Variants in SOCS1 observed in about 807,000 individuals in gnomAD.
The protein encoded by SOCS1 is suppressor of cytokine signaling 1, also known as JAK binding protein.
SOCS1 carries 3 observed loss-of-function variants against 9.7 expected under a neutral mutation model. The observed-to-expected ratio is 0.31, with a 90% CI of 0.14 to 0.80. SOCS1 has a LOEUF of 0.80. Among genes scored for constraint, SOCS1 ranks in the 30% least tolerant of loss-of-function variants. The pLI is 0.61. For synonymous variants in SOCS1, 194 were observed against 150.2 expected (o/e 1.29, Z -2.13); for missense variants, 368 against 324.7 (o/e 1.13, Z -1.02).
At position 11,255,414 on chromosome 16, in the gene SOCS1, C is replaced by T. The variant is rs751378699; in HGVS notation, c.65G>A (p.Arg22Gln). The T allele has an allele frequency of 2.9e-5, 39 of 1,329,800 alleles. No individual in the cohort carries two copies. The highest frequency in any genetic ancestry group is 2.9e-4 in the Admixed American group (7 of 24,282). The allele number at this position is 1,329,800 out of a possible 1,614,324, so 82.4% of individuals were successfully genotyped here. Residue 22 changes from arginine to glutamine, a missense_variant, in exon 2 of 2, where the codon CGG becomes CAG. Transcript: ENST00000332029. ...AVSTAAEPRR[R>Q]PEPSSSSSSS... ...GGAGGAAGAGGAGGAAGGTTCTGGC[C>T]GCCGTCGGGGCTCTGCTGCTGTGGA... is the stretch of plus-strand genomic sequence containing the variant.
In SOCS1 at chr16:11,255,256, C is replaced by A. The variant is rs754930114; in HGVS notation, c.223G>T (p.Asp75Tyr). Residue 75 changes from aspartate (D) to tyrosine (Y), a missense_variant, in exon 2 of 2, where the codon GAC becomes TAC. By Grantham distance (160) the Asp-to-Tyr change is radical. Transcript: ENST00000332029. ...GGCCCCCAGTAGAATCCGCAGGCGTCCAGGAGCGCGCTGGCGCGCGTGATG... is the reference window on the plus strand; with the variant it reads ...GGCCCCCAGTAGAATCCGCAGGCGTACAGGAGCGCGCTGGCGCGCGTGATG... ...RRITRASALLDACGFYWGPLS... is the reference protein window; with the variant it reads ...RRITRASALLYACGFYWGPLS... 1 of 1,552,318 alleles carries A rather than the reference C, an allele frequency of 6.4e-7. No homozygotes were observed. Among genetic ancestry groups the A allele is most frequent in the South Asian group, 1.2e-5 (1 of 85,230 alleles).
At position 11,255,101 on chromosome 16, in the gene SOCS1, G is replaced by A. The variant is rs746569904; in HGVS notation, c.378C>T (p.Ile126=). Residue 126 remains isoleucine (I), a synonymous_variant, in exon 2 of 2, where the codon ATC becomes ATT. Transcript: ENST00000332029. ...SVKMASGPTS[I]RVHFQAGRFH... ...AGCGGCCGGCCTGAAAGTGCACGCG[G>A]ATGCTCGTGGGTCCCGAGGCCATCT... 1 of 1,610,054 alleles carries A rather than the reference G, an allele frequency of 6.2e-7. No individual in the cohort carries two copies. The highest frequency in any genetic ancestry group is 1.3e-5 in the African/African-American group (1 of 74,450).
In SOCS1 at chr16:11,255,254, G is replaced by C. The variant is rs1056014933; in HGVS notation, c.225C>G (p.Asp75Glu). The C allele has an allele frequency of 6.4e-7, 1 of 1,552,878 alleles. No individual in the cohort carries two copies. The highest frequency in any genetic ancestry group is 1.2e-5 in the South Asian group (1 of 85,272). ...RRITRASALL[D>E]ACGFYWGPLS... ...GGGGCCCCCAGTAGAATCCGCAGGC[G>C]TCCAGGAGCGCGCTGGCGCGCGTGA... Residue 75 changes from aspartate (D) to glutamate (E), a missense_variant, in exon 2 of 2, where the codon GAC (aspartate) becomes GAG (glutamate). Transcript: ENST00000332029.
At chr16:11,255,590 G>A (rs2069590271) in intron 1 of SOCS1, 62 bp from the exon 2 acceptor site, 8 of 596,332 alleles carry the variant, frequency 1.3e-5, no homozygotes, top group Non-Finnish European at 1.7e-5. Context: ...TGCGCCGGCC[G>A]GACAACTCCG....
Position 11,254,993 on chromosome 16 carries a change from C to T in SOCS1, c.486G>A (p.Leu162=). The T allele has an allele frequency of 1.3e-6, 2 of 1,563,116 alleles. No homozygotes were observed. Among genetic ancestry groups the T allele is most frequent in the African/African-American group, 1.4e-5 (1 of 70,582 alleles). ...CGCGGCGCTGGCGCAGCGGGGCCCC[C>T]AGCATGCGGCGCGGCGCCGCCACGT... ...EHYVAAPRRM[L]GAPLRQRRVR... is the part of the protein sequence containing the mutation. Residue 162 remains leucine, a synonymous_variant, in exon 2 of 2, where the codon CTG becomes CTA. Coordinates refer to ENST00000332029, the MANE Select transcript of SOCS1 (RefSeq NM_003745.2).
Position 11,255,531 on chromosome 16 carries a change from G to T in SOCS1, c.-50-3C>A. ...GGGCCATAGCGTCCGGGGGTGCGCTGCGGGAGAGACAAAGAGGTGAGCTGG... is the reference window on the plus strand; with the variant it reads ...GGGCCATAGCGTCCGGGGGTGCGCTTCGGGAGAGACAAAGAGGTGAGCTGG... On this transcript the variant is annotated splice_polypyrimidine_tract_variant and splice_region_variant and intron_variant, in intron 1 of 1. Transcript: ENST00000332029. The T allele has an allele frequency of 8.8e-7, 1 of 1,134,182 alleles. No individual in the cohort carries two copies. 70.3% of individuals were successfully genotyped at this position (1,134,182 alleles called of 1,614,324 possible).
chr16:11,254,461 T>C lies in SOCS1; in HGVS notation c.*382A>G, dbSNP rs1044836151. The C allele has an allele frequency of 1.2e-5, 3 of 248,146 alleles. No homozygotes were observed. The highest frequency in any genetic ancestry group is 4.4e-5 in the African/African-American group (2 of 45,872). The allele number at this position is 248,146 out of a possible 1,614,324, so 15.4% of individuals were successfully genotyped here. On this transcript the variant is annotated 3_prime_UTR_variant, in exon 2 of 2. Coordinates refer to ENST00000332029, the MANE Select transcript of SOCS1 (RefSeq NM_003745.2). ...TAAAGTTTATTACCTAAACTGACTTTAAAAAATATAAAATAGGATTCTGCA... is the reference window on the plus strand; with the variant it reads ...TAAAGTTTATTACCTAAACTGACTTCAAAAAATATAAAATAGGATTCTGCA...
rs368764480 is a variant in SOCS1 at position 11,254,822 on chromosome 16, G to C, written c.*21C>G. ...AACACGGCATCCCAGTTAATGCTGC[G>C]TGCACGGCGGGCGCTGCCGGTCAAA... is the stretch of plus-strand genomic sequence containing the variant. On this transcript the variant is annotated 3_prime_UTR_variant, in exon 2 of 2. Coordinates refer to ENST00000332029, the MANE Select transcript of SOCS1 (RefSeq NM_003745.2). 3.4e-6 allele frequency: 5 copies of C among 1,465,840 alleles called. No individual in the cohort carries two copies. Among genetic ancestry groups the C allele is most frequent in the East Asian group, 2.7e-5 (1 of 37,576 alleles). The allele number at this position is 1,465,840 out of a possible 1,614,324, so 90.8% of individuals were successfully genotyped here.
chr16:11,256,176 A>G lies in SOCS1; in HGVS notation c.-148T>C, dbSNP rs1236628937. 3 of 151,450 alleles carry G rather than the reference A, an allele frequency of 2.0e-5. No individual in the cohort carries two copies. The highest frequency in any genetic ancestry group is 4.4e-5 in the Non-Finnish European group (3 of 67,886). The allele number at this position is 151,450 out of a possible 1,614,324, so 9.4% of individuals were successfully genotyped here. Reference sequence around the variant, plus strand: ...CATGCTCCGGGGCCAGGAGCCGTGCAGCTGCCACGGCCGCAGCTCGCTCTG... The same window carrying G: ...CATGCTCCGGGGCCAGGAGCCGTGCGGCTGCCACGGCCGCAGCTCGCTCTG... On this transcript the variant is annotated 5_prime_UTR_variant, in exon 1 of 2. Transcript: ENST00000332029.
rs201368715 is a variant in SOCS1 at position 11,254,915 on chromosome 16, G to A, written c.564C>T (p.Arg188=). The A allele has an allele frequency of 6.8e-4, 1,019 of 1,489,756 alleles. No homozygotes were observed. The highest frequency in any genetic ancestry group is 6.8e-4 in the Non-Finnish European group (771 of 1,128,798). 92.3% of individuals were successfully genotyped at this position (1,489,756 alleles called of 1,614,324 possible). Residue 188 remains arginine (R), a synonymous_variant, in exon 2 of 2, where the codon CGC becomes CGT. Transcript: ENST00000332029. The part of the protein sequence containing the change: ...CRQRIVATVG[R]ENLARIPLNP... ...TGAGGGGGATGCGAGCCAGGTTCTC[G>A]CGGCCCACGGTGGCCACGATGCGCT... is the stretch of plus-strand genomic sequence containing the variant.
chr16:11,255,998 C>G, intron 1 of SOCS1, 81 bp downstream of exon 1: 1 of 151,832 alleles, frequency 6.6e-6, no homozygotes, highest in Non-Finnish European at 1.5e-5. Flanking sequence ...ATTCTGCAGC[C>G]CCCGAGGCTC....
rs1007953682 is a variant in SOCS1 at position 11,254,776 on chromosome 16, C to T, written c.*67G>A. On this transcript the variant is annotated 3_prime_UTR_variant, in exon 2 of 2. Coordinates refer to ENST00000332029, the MANE Select transcript of SOCS1 (RefSeq NM_003745.2). ...GGCCGGGGAGGGTACCCACATGGTT[C>T]CAGGCAAGTAATAACAAAATAACAC... 11 of 1,414,530 alleles carry T rather than the reference C, an allele frequency of 7.8e-6. No homozygotes were observed. In the African/African-American group the frequency reaches 1.4e-4, roughly 17 times the overall value. The allele number at this position is 1,414,530 out of a possible 1,614,324, so 87.6% of individuals were successfully genotyped here.
rs2069589763 is a variant in SOCS1, at chr16:11,255,565, G to C, written c.-50-37C>G. ...ACAAAGAGGTGAGCTGGGGCGCTGC[G>C]GGGCCGGGCAGGTGTGCGCCGGCCG... On this transcript the variant is annotated intron_variant, in intron 1 of 1. Coordinates refer to ENST00000332029, the MANE Select transcript of SOCS1 (RefSeq NM_003745.2). 3.4e-6 allele frequency: 3 copies of C among 872,596 alleles called. 1 individual carries two copies. 54.1% of individuals were successfully genotyped at this position (872,596 alleles called of 1,614,324 possible). A position where few individuals can be genotyped will look rare whatever the true frequency, so the allele number is the denominator to read the frequency against.
Position 11,254,966 on chromosome 16 carries a change from C to A in SOCS1, c.513G>T (p.Val171=). 6.6e-7 allele frequency: 1 copy of A among 1,516,030 alleles called. No homozygotes were observed. The highest frequency in any genetic ancestry group is 1.3e-5 in the South Asian group (1 of 78,854). The allele number at this position is 1,516,030 out of a possible 1,614,324, so 93.9% of individuals were successfully genotyped here. Residue 171 remains valine, a synonymous_variant, in exon 2 of 2, where the codon GTG becomes GTT. Transcript: ENST00000332029. ...MLGAPLRQRR[V]RPLQELCRQR... Reference sequence around the variant, plus strand: ...GGCGGCACAGCTCCTGCAGCGGCCGCACGCGGCGCTGGCGCAGCGGGGCCC... The same window carrying A: ...GGCGGCACAGCTCCTGCAGCGGCCGAACGCGGCGCTGGCGCAGCGGGGCCC...
At position 11,254,751 on chromosome 16, in the gene SOCS1, G is replaced by A. The variant is rs1049625966; in HGVS notation, c.*92C>T. Reference sequence around the variant, plus strand: ...ACACCCATCCGCTCCCTCCAACCCAGGCCGGGGAGGGTACCCACATGGTTC... The same window carrying A: ...ACACCCATCCGCTCCCTCCAACCCAAGCCGGGGAGGGTACCCACATGGTTC... On this transcript the variant is annotated 3_prime_UTR_variant, in exon 2 of 2. Transcript: ENST00000332029. 1 of 1,377,534 alleles carries A rather than the reference G, an allele frequency of 7.3e-7. No individual in the cohort carries two copies. The highest frequency in any genetic ancestry group is 9.4e-7 in the Non-Finnish European group (1 of 1,065,400). 85.3% of individuals were successfully genotyped at this position (1,377,534 alleles called of 1,614,324 possible).
intron 1 of SOCS1, chr16:11,255,778 G>T (rs1005223170): frequency 2.2e-5 from 6 of 269,090 alleles, no homozygotes; most frequent in Non-Finnish European, 3.5e-5. Flanking sequence ...AGCACCGAGA[G>T]GGGGGCGTGG....
Position 11,254,699 on chromosome 16 carries a change from G to T in SOCS1, c.*144C>A, listed in dbSNP as rs2069572052. ...GAAGGGGTCTGCGGCCTCGTCTCCAGCCGAGGGCGGGAGGCGCCTCGCCCC... is the reference window on the plus strand; with the variant it reads ...GAAGGGGTCTGCGGCCTCGTCTCCATCCGAGGGCGGGAGGCGCCTCGCCCC... On this transcript the variant is annotated 3_prime_UTR_variant, in exon 2 of 2. Transcript: ENST00000332029. 1 of 1,210,464 alleles carries T rather than the reference G, an allele frequency of 8.3e-7. No homozygotes were observed. Among genetic ancestry groups the T allele is most frequent in the South Asian group, 2.9e-5 (1 of 34,986 alleles). The allele number at this position is 1,210,464 out of a possible 1,614,324, so 75.0% of individuals were successfully genotyped here.
chr16:11,255,070 G>A lies in SOCS1; in HGVS notation c.409C>T (p.Leu137=), dbSNP rs766983875. Residue 137 remains leucine, a synonymous_variant, in exon 2 of 2, where the codon CTG becomes TTG. Transcript: ENST00000332029. ...RVHFQAGRFH[L]DGSRESFDCL... is the part of the protein sequence containing the mutation. ...TCGAAGCTCTCGCGGCTGCCATCCA[G>A]GTGAAAGCGGCCGGCCTGAAAGTGC... The A allele has an allele frequency of 2.5e-6, 4 of 1,609,554 alleles. No homozygotes were observed. The African/African-American group carries it at 4.0e-5, about 16-fold the overall frequency.
At position 11,254,988 on chromosome 16, in the gene SOCS1, G is replaced by A; in HGVS notation, c.491C>T (p.Ala164Val). Residue 164 changes from alanine to valine, a missense_variant, in exon 2 of 2, where the codon GCC (alanine) becomes GTC (valine). Ala to Val is a moderately conservative substitution (Grantham distance 64). Transcript: ENST00000332029. ...CCGCACGCGGCGCTGGCGCAGCGGG[G>A]CCCCCAGCATGCGGCGCGGCGCCGC... ...YVAAPRRMLGAPLRQRRVRPL... is the reference protein window; with the variant it reads ...YVAAPRRMLGVPLRQRRVRPL... The A allele has an allele frequency of 1.3e-6, 2 of 1,556,332 alleles. No individual in the cohort carries two copies. The highest frequency in any genetic ancestry group is 2.6e-5 in the East Asian group (1 of 38,918).
Sources: allele counts gnomAD v4.1 joint callset, GRCh38; gene constraint gnomAD v4.1.1; transcripts MANE v1.5; gene names NCBI Gene and HGNC (gene_info 2026-07-23, HGNC 2026-07-21).